The following UBXN8 variants were observed in gnomAD, a reference collection of about 807,000 sequenced individuals.
The protein encoded by UBXN8 is UBX domain protein 8.
In UBXN8, 27 loss-of-function variants were observed where a neutral mutation model predicts 32.1. That is an observed-to-expected ratio of 0.84 (90% CI 0.62 to 1.16). The LOEUF (loss-of-function observed/expected upper bound fraction) is 1.16, where lower values mean the gene tolerates loss of function less well. UBXN8 is among the 50% of genes most tolerant of loss of function. UBXN8 has a pLI of 0.00. For missense variants in UBXN8, 306 were observed against 311.4 expected (o/e 0.98, Z 0.13); for synonymous variants, 109 against 111.8 (o/e 0.98, Z 0.16).
At chr8:30,747,024 G>A (rs140272354) in intron 1 of UBXN8, among the ~76,000 whole-genome samples, 2,849 of 137,958 alleles carry the variant, frequency 0.021, 443 homozygotes, top group South Asian at 0.031. Flanking sequence ...GCATGGTGGC[G>A]CACGCCTGTA....
rs777240286 is a variant in UBXN8 at position 30,744,234 on chromosome 8, C to A, written c.45C>A (p.Val15=). The A allele has an allele frequency of 1.9e-6, 3 of 1,613,896 alleles. No homozygotes were observed. The African/African-American group carries it at 4.0e-5, about 21-fold the overall frequency. Residue 15 remains valine (V), a synonymous_variant, in exon 1 of 8, where the codon GTC becomes GTA. Transcript: ENST00000265616. The stretch of plus-strand genomic sequence containing the variant: ...TTGGCATTTTCTTCCTCTCTGCTGT[C>A]CCCCTTGTGTGTCTGGAGCTCCGGC... ...GVVGIFFLSA[V]PLVCLELRRG...
At chr8:30,755,638 C>T (rs376286639) in intron 4 of UBXN8, among the ~76,000 whole-genome samples, 1 of 151,152 alleles carries the variant, frequency 6.6e-6, no homozygotes, top group Non-Finnish European at 1.5e-5. Flanking sequence ...TGGCTGTAGT[C>T]TCAGCTACTT....
intron 4 of UBXN8, among the ~76,000 whole-genome samples, chr8:30,754,997 C>A (rs1038402050): frequency 6.6e-6 from 1 of 150,550 alleles, no homozygotes; most frequent in Non-Finnish European, 1.5e-5. Context: ...CTTTGTTCCC[C>A]TAGGCTGGAG....
At chr8:30,738,180 G>T (rs1412683073) in intron 1 of UBXN8, among the ~76,000 whole-genome samples, 1 of 150,608 alleles carries the variant, frequency 6.6e-6, no homozygotes, top group African/African-American at 2.4e-5. Context: ...AATCATAAAA[G>T]AAAACTTAGA....
Position 30,751,536 on chromosome 8 carries a change from T to G in UBXN8, c.211+18T>G, listed in dbSNP as rs1805523251. 1 of 1,562,350 alleles carries G rather than the reference T, an allele frequency of 6.4e-7. No individual in the cohort carries two copies. Among genetic ancestry groups the G allele is most frequent in the South Asian group, 1.2e-5 (1 of 83,650 alleles). ...TCTGAAGGGTAAGTTTATTATTTATTCTACCCTTTTATACCATTCTACTCA... is the reference window on the plus strand; with the variant it reads ...TCTGAAGGGTAAGTTTATTATTTATGCTACCCTTTTATACCATTCTACTCA... On this transcript the variant is annotated intron_variant, in intron 2 of 7. Transcript: ENST00000265616.
intron 1 of UBXN8, among the ~76,000 whole-genome samples, chr8:30,750,820 A>G (rs1006846253): frequency 8.6e-3 from 3 of 348 alleles, no homozygotes; most frequent in Non-Finnish European, 0.019. Flanking sequence ...AAAAGAAGGA[A>G]AAAAAAAAAG....
intron 3 of UBXN8, 51 bp from the exon 4 acceptor site, chr8:30,754,614 T>A: frequency 1.3e-6 from 2 of 1,511,760 alleles, no homozygotes; most frequent in Middle Eastern, 1.8e-4. Flanking sequence ...AGTGTACATT[T>A]TTAGGAACAT....
intron 3 of UBXN8, among the ~76,000 whole-genome samples, chr8:30,753,683 C>G (rs184998229): frequency 3.1e-3 from 473 of 152,286 alleles, no homozygotes; most frequent in Non-Finnish European, 5.2e-3. Context: ...CTGCCCTCAT[C>G]CCATCCTCTG....
intron 5 of UBXN8, among the ~76,000 whole-genome samples, chr8:30,758,871 TGTTTTTTTTGTTTG>T (rs1563564501): frequency 3.2e-5 from 4 of 126,558 alleles, no homozygotes; most frequent in African/African-American, 1.3e-4. Context: ...TGGTAACAAA[TGTTTTTTTTGTTTG>T]TTTTTTTTGT....
intron 5 of UBXN8, among the ~76,000 whole-genome samples, chr8:30,758,112 G>A (rs1209978876): frequency 6.6e-6 from 1 of 152,000 alleles, no homozygotes; most frequent in Non-Finnish European, 1.5e-5. Flanking sequence ...TAGCCAGGAT[G>A]GTCTCAATCT....
At chr8:30,735,224 C>T (rs944585446) in intron 1 of UBXN8, among the ~76,000 whole-genome samples, 3 of 152,066 alleles carry the variant, frequency 2.0e-5, no homozygotes, top group East Asian at 3.9e-4. Context: ...AATTCTGTAA[C>T]GATAAAAAAA....
intron 1 of UBXN8, among the ~76,000 whole-genome samples, chr8:30,745,697 C>T (rs1196161149): frequency 6.6e-6 from 1 of 152,196 alleles, no homozygotes; most frequent in African/African-American, 2.4e-5. Context: ...TCACACTCAC[C>T]ATTTCCGCAA....
At chr8:30,754,497 C>T (rs1366247310) in intron 3 of UBXN8, 168 bp from the exon 4 acceptor site, 2 of 805,408 alleles carry the variant, frequency 2.5e-6, no homozygotes, top group Non-Finnish European at 4.0e-6. Flanking sequence ...GCTTGCTGTC[C>T]AGCTGTCGGC....
intron 1 of UBXN8, among the ~76,000 whole-genome samples, chr8:30,738,503 A>C (rs1282846210): frequency 6.6e-6 from 1 of 151,784 alleles, no homozygotes; most frequent in East Asian, 1.9e-4. Context: ...TACTAAAAAT[A>C]CAAAAAAAAT....
chr8:30,754,239 C>G (rs1258976505), intron 3 of UBXN8: 2 of 328,108 alleles, frequency 6.1e-6, no homozygotes, highest in Non-Finnish European at 1.2e-5. Context: ...GACTCCATCT[C>G]AAAACAAAAA....
At chr8:30,754,627 A>G (rs1194896620) in intron 3 of UBXN8, 38 bp from the exon 4 acceptor site, 1 of 1,524,978 alleles carries the variant, frequency 6.6e-7, no homozygotes, top group Admixed American at 2.5e-5. Context: ...AGGAACATTA[A>G]TGGATAGTAA....
chr8:30,765,381 C>T (rs983293322), intron 7 of UBXN8, among the ~76,000 whole-genome samples: 4 of 152,028 alleles, frequency 2.6e-5, no homozygotes, highest in African/African-American at 9.7e-5. Flanking sequence ...CTCAGGTGAT[C>T]CTTGCACCTC....
upstream of UBXN8, among the ~76,000 whole-genome samples, chr8:30,730,524 C>G (rs1029120550): frequency 9.9e-5 from 15 of 152,078 alleles, no homozygotes; most frequent in African/African-American, 3.6e-4. Context: ...CCAAAACCCC[C>G]AAGAGTATGT....
chr8:30,753,131 A>G lies in UBXN8; in HGVS notation c.282+26A>G, dbSNP rs192403996. 8.4e-5 allele frequency: 123 copies of G among 1,470,544 alleles called. No homozygotes were observed. In the African/African-American group the frequency reaches 1.6e-3, roughly 19 times the overall value. The allele number at this position is 1,470,544 out of a possible 1,614,324, so 91.1% of individuals were successfully genotyped here. A position where few individuals can be genotyped will look rare whatever the true frequency, so the allele number is the denominator to read the frequency against. ...GTAAGGCAGAATTTTTAGAGACTTT[A>G]TGCGTAGAGAAATACAAAAATCTCT... On this transcript the variant is annotated intron_variant, in intron 3 of 7. Transcript: ENST00000265616.
Sources: allele counts gnomAD v4.1 joint callset (sites outside exome capture counted in the v4.1 genomes callset), GRCh38; gene constraint gnomAD v4.1.1; transcripts MANE v1.5; gene names NCBI Gene and HGNC (gene_info 2026-07-23, HGNC 2026-07-21).